The following LRP1B variants were observed in gnomAD, a reference collection of about 807,000 sequenced individuals.
LRP1B encodes the protein LDL receptor related protein 1B.
LRP1B carries 217 observed loss-of-function variants against 556.6 expected under a neutral mutation model. The ratio of observed to expected loss-of-function variants is 0.39; its 90% CI spans 0.35 to 0.44. The LOEUF (loss-of-function observed/expected upper bound fraction) is 0.44, where lower values mean the gene tolerates loss of function less well. LRP1B is among the 20% of genes least tolerant of loss of function. The pLI is 1.00. For synonymous variants in LRP1B, 2,047 were observed against 1,865.8 expected (o/e 1.10, Z -2.50); for missense variants, 5,053 against 5,620.8 (o/e 0.90, Z 3.23).
At chr2:141,264,496 TC>T (rs964969952) in intron 3 of LRP1B, among the ~76,000 whole-genome samples, 3 of 152,122 alleles carry the variant, frequency 2.0e-5, no homozygotes, top group African/African-American at 7.2e-5. Flanking sequence ...ACTCTTGTCA[TC>T]CAGGCTGGAG....
At chr2:141,198,843 T>C (rs547780874) in intron 6 of LRP1B, among the ~76,000 whole-genome samples, 1 of 152,306 alleles carries the variant, frequency 6.6e-6, no homozygotes, top group South Asian at 2.1e-4. Flanking sequence ...TATTCATCCA[T>C]TCCATTTTTA....
chr2:141,145,304 A>G lies in LRP1B; in HGVS notation c.1013+43117T>C, dbSNP rs191495366. Among the ~76,000 whole-genome samples, 15 of 152,274 alleles carry G rather than the reference A, an allele frequency of 9.9e-5. 1 individual carries two copies. In the East Asian group the frequency reaches 2.1e-3, roughly 22 times the overall value. ...GCTTAGTTCTACGTGTGCTAATTAT[A>G]TCACAGAACTTGAGTTATACTGTAT... On this transcript the variant is annotated intron_variant, in intron 7 of 90. Transcript: ENST00000389484.
chr2:141,223,372 CA>C (rs528552107), intron 6 of LRP1B, among the ~76,000 whole-genome samples: 43 of 151,906 alleles, frequency 2.8e-4, no homozygotes, highest in Non-Finnish European at 4.4e-4. Flanking sequence ...AACAACTGAT[CA>C]AAGAAAGAAA....
chr2:140,482,868 A>G (rs1160409057), intron 59 of LRP1B, among the ~76,000 whole-genome samples: 1 of 152,226 alleles, frequency 6.6e-6, no homozygotes, highest in Non-Finnish European at 1.5e-5. Context: ...TAGTTTTGAT[A>G]TAATCAAAAC....
At chr2:141,426,577 TAAA>T (rs1262699833) in intron 3 of LRP1B, among the ~76,000 whole-genome samples, 1 of 117,942 alleles carries the variant, frequency 8.5e-6, no homozygotes, top group Admixed American at 8.7e-5. Flanking sequence ...GAATATTTGA[TAAA>T]AATTCAGTTT....
chr2:141,665,126 A>T (rs1284475554), intron 2 of LRP1B, among the ~76,000 whole-genome samples: 2 of 152,184 alleles, frequency 1.3e-5, no homozygotes, highest in African/African-American at 2.4e-5. Context: ...TATTTAATAA[A>T]TGGTGCAGGG....
intron 1 of LRP1B, among the ~76,000 whole-genome samples, chr2:142,066,740 T>G (rs1398141898): frequency 6.6e-6 from 1 of 151,534 alleles, no homozygotes; most frequent in East Asian, 1.9e-4. Context: ...TTCCAGCCTC[T>G]GTTTTTTGCC....
rs536602296 is a variant in LRP1B, at chr2:140,387,934, CT to C, written c.10415-1926del. ...TCCTTGCATGTGTTGCTTGTACTTT[CT>C]TTTTTTTTTTTTTTTCCTGGAGATG... On this transcript the variant is annotated intron_variant, in intron 66 of 90. Coordinates refer to ENST00000389484, the MANE Select transcript of LRP1B (RefSeq NM_018557.3). 2.0e-3 allele frequency among the ~76,000 whole-genome samples: 281 copies of C among 138,304 alleles called. 1 individual carries two copies. The highest frequency in any genetic ancestry group is 0.012 in the Middle Eastern group (3 of 256). The allele number at this position is 138,304 out of a possible 152,430, so 90.7% of individuals were successfully genotyped here.
At chr2:140,334,080 G>A (rs1247105586) in intron 79 of LRP1B, among the ~76,000 whole-genome samples, 2 of 150,892 alleles carry the variant, frequency 1.3e-5, no homozygotes, top group African/African-American at 4.9e-5. Flanking sequence ...CCACCTATTT[G>A]TTCATTTCAT....
At position 140,442,520 on chromosome 2, in the gene LRP1B, T is replaced by A. The variant is rs1433897664; in HGVS notation, c.10398A>T (p.Ser3466=). 6.2e-7 allele frequency: 1 copy of A among 1,613,252 alleles called. No homozygotes were observed. Among genetic ancestry groups the A allele is most frequent in the South Asian group, 1.1e-5 (1 of 91,028 alleles). The change falls in exon 66 of 91, where the codon TCA becomes TCT. Residue 3466 remains serine, a synonymous_variant. Transcript: ENST00000389484. ...CDEDPDCADA[S]DEANCDKKTC... is the part of the protein sequence containing the mutation. ...GACACTCACCGCAGTTGGCCTCGTC[T>A]GATGCATCTGCACAGTCTGGATCCT...
intron 70 of LRP1B, 119 bp downstream of exon 70, chr2:140,371,060 A>T: frequency 1.2e-6 from 1 of 810,008 alleles, no homozygotes; most frequent in Non-Finnish European, 1.9e-6. Flanking sequence ...TTCAATGTAC[A>T]TATCTAACAT....
rs548528373 is a variant in LRP1B at position 141,403,848 on chromosome 2, G to A, written c.343+76548C>T. On this transcript the variant is annotated intron_variant, in intron 3 of 90. Transcript: ENST00000389484. ...ACATGTATGTATAGACAGACTTCAA[G>A]GCAGAGGCCAGTCGCTCCCCTGAGG... Among the ~76,000 whole-genome samples the A allele has an allele frequency of 4.3e-4, 65 of 152,232 alleles. 1 individual carries two copies. The highest frequency in any genetic ancestry group is 1.3e-3 in the African/African-American group (53 of 41,546).
Position 141,020,014 on chromosome 2 carries a change from C to A in LRP1B, c.1878G>T (p.Val626=), listed in dbSNP as rs2105396923. ...TNDGHRKTIN[V]ARLEKASQSR... is the part of the protein sequence containing the mutation. ...TCTGAGAAGCTTTTTCCAGCCTGGC[C>A]ACATTAATGGTTTTCCTATGGCCAT... The change falls in exon 12 of 91, where the codon GTG becomes GTT. Residue 626 remains valine (V), a synonymous_variant. Coordinates refer to ENST00000389484, the MANE Select transcript of LRP1B (RefSeq NM_018557.3). 6.2e-7 allele frequency: 1 copy of A among 1,611,798 alleles called. No individual in the cohort carries two copies.
chr2:142,027,256 T>TA (rs1224027655), intron 1 of LRP1B, among the ~76,000 whole-genome samples: 1 of 151,856 alleles, frequency 6.6e-6, no homozygotes, highest in Non-Finnish European at 1.5e-5. Flanking sequence ...CTGTCTAGTC[T>TA]AATCCTTTCA....
chr2:141,160,809 T>C (rs1038317281), intron 7 of LRP1B, among the ~76,000 whole-genome samples: 1 of 151,314 alleles, frequency 6.6e-6, no homozygotes, highest in Non-Finnish European at 1.5e-5. Context: ...GTAATGGACA[T>C]GTTCAATATC....
chr2:141,302,262 T>G (rs1686424007), intron 3 of LRP1B, among the ~76,000 whole-genome samples: 1 of 152,064 alleles, frequency 6.6e-6, no homozygotes. Flanking sequence ...ACTAGTTAAC[T>G]CAAAAGGAAA....
intron 1 of LRP1B, among the ~76,000 whole-genome samples, chr2:141,840,349 C>T (rs1467079426): frequency 6.7e-6 from 1 of 148,558 alleles, no homozygotes; most frequent in Non-Finnish European, 1.5e-5. Context: ...CTGCAACTTC[C>T]GCCTCCCGGG....
intron 1 of LRP1B, among the ~76,000 whole-genome samples, chr2:141,977,880 C>T (rs1314234162): frequency 6.6e-6 from 1 of 152,040 alleles, no homozygotes; most frequent in Non-Finnish European, 1.5e-5. Context: ...ACAAGCCTAA[C>T]TTAAAATATC....
chr2:141,659,475 C>A (rs189553078), intron 2 of LRP1B, among the ~76,000 whole-genome samples: 205 of 152,096 alleles, frequency 1.3e-3, no homozygotes, highest in African/African-American at 4.8e-3. Flanking sequence ...CAGTTAGACT[C>A]AATGTACTGT....
Sources: allele counts gnomAD v4.1 joint callset (sites outside exome capture counted in the v4.1 genomes callset), GRCh38; gene constraint gnomAD v4.1.1; transcripts MANE v1.5; gene names NCBI Gene and HGNC (gene_info 2026-07-23, HGNC 2026-07-21).